ZNF605: variants seen among roughly 807,000 people sequenced by gnomAD.
ZNF605 encodes the protein zinc finger protein 605.
Under a neutral mutation model 7.9 loss-of-function variants are expected in ZNF605, and 9 were observed. The observed-to-expected ratio is 1.14, with a 90% CI of 0.68 to 1.98. ZNF605 has a LOEUF of 1.98. Ranked by LOEUF, ZNF605 falls within the 30% of genes most tolerant of loss-of-function variation. ZNF605 has a pLI of 0.00. For synonymous variants in ZNF605, 255 were observed against 260.1 expected, an observed-to-expected ratio of 0.98 and a Z score of 0.19; for missense variants, 673 against 762.4, an observed-to-expected ratio of 0.88 and a Z score of 1.38.
intron 1 of ZNF605, among the ~76,000 whole-genome samples, chr12:132,956,005 C>A (rs1952632903): frequency 6.6e-6 from 1 of 150,524 alleles, no homozygotes; most frequent in South Asian, 2.1e-4. Context: ...CAGCCCCCAC[C>A]CCACCCTCTG....
rs867618511 is a variant in ZNF605 at position 132,938,853 on chromosome 12, A to G, written c.16-5698T>C. ...GGTGGGCGCCGCACTCGGAGCAGCC[A>G]GCCAGCCCTGCTGGCCCCGGGCAAT... On this transcript the variant is annotated intron_variant, in intron 3 of 4. Transcript: ENST00000360187. Among the ~76,000 whole-genome samples the G allele has an allele frequency of 2.1e-3, 313 of 151,910 alleles. 1 individual carries two copies. The highest frequency in any genetic ancestry group is 6.2e-3 in the African/African-American group (257 of 41,556).
rs1156349375 is a variant in ZNF605 at position 132,926,006 on chromosome 12, AAAG to A, written c.1290_1292del (p.Phe431del). 11 of 1,614,044 alleles carry A rather than the reference AAAG, an allele frequency of 6.8e-6. No homozygotes were observed. Among genetic ancestry groups the A allele is most frequent in the African/African-American group, 1.3e-5 (1 of 74,924 alleles). ...GATGCGTTAGGAGCTGGGACTTCCCAAAGAAGGTTTTCCCACATTGAATGCATC... is the reference window on the plus strand; with the variant it reads ...GATGCGTTAGGAGCTGGGACTTCCCAAAGGTTTTCCCACATTGAATGCATC... On this transcript the variant is annotated inframe_deletion, in exon 5 of 5. Coordinates refer to ENST00000360187, the MANE Select transcript of ZNF605 (RefSeq NM_183238.4).
chr12:132,954,642 C>T (rs916981306), intron 1 of ZNF605, among the ~76,000 whole-genome samples: 2 of 151,474 alleles, frequency 1.3e-5, no homozygotes, highest in East Asian at 3.9e-4. Context: ...ATCCCTAATC[C>T]CTTATCCCCG....
intron 1 of ZNF605, among the ~76,000 whole-genome samples, chr12:132,953,692 TG>T (rs1441837959): frequency 2.6e-5 from 4 of 152,086 alleles, no homozygotes; most frequent in Non-Finnish European, 5.9e-5. Flanking sequence ...CCCAAAGTGC[TG>T]GGATTACAGG....
Position 132,933,205 on chromosome 12 carries a change from T to C in ZNF605, c.16-50A>G. ...ACCTGAAGTGGTTCTCATTTGGTCT[T>C]GTAAAATACTTTCTTCTGTATTTGT... On this transcript the variant is annotated intron_variant, in intron 3 of 4. Transcript: ENST00000360187. This position sits in a 1 kb window ranked among gnomAD's most constrained non-coding sequence, Gnocchi z 4.4. The C allele has an allele frequency of 6.4e-7, 1 of 1,558,564 alleles. No individual in the cohort carries two copies. Among genetic ancestry groups the C allele is most frequent in the Non-Finnish European group, 8.7e-7 (1 of 1,150,346 alleles).
rs977388538 is a variant in ZNF605, at chr12:132,924,238, G to A, written c.*1135C>T. The A allele has an allele frequency of 1.3e-5, 2 of 152,162 alleles. No homozygotes were observed. The highest frequency in any genetic ancestry group is 4.8e-5 in the African/African-American group (2 of 41,440). 9.4% of individuals were successfully genotyped at this position (152,162 alleles called of 1,614,324 possible). On this transcript the variant is annotated 3_prime_UTR_variant, in exon 5 of 5. Transcript: ENST00000360187. ...GGATGCCGGACACTGTAGGTCCAGAGTAGCTTTTAATCTAGAGTTAATTAG... is the reference window on the plus strand; with the variant it reads ...GGATGCCGGACACTGTAGGTCCAGAATAGCTTTTAATCTAGAGTTAATTAG...
chr12:132,924,918 A>C lies in ZNF605; in HGVS notation c.*455T>G, dbSNP rs1566228675. 1 of 154,242 alleles carries C rather than the reference A, an allele frequency of 6.5e-6. No individual in the cohort carries two copies. The highest frequency in any genetic ancestry group is 1.4e-5 in the Non-Finnish European group (1 of 69,572). The allele number at this position is 154,242 out of a possible 1,614,324, so 9.6% of individuals were successfully genotyped here. ...CTTACAGAACTATTTCAATAGCATC[A>C]TGCTTGTCAAATTCTTTACATTATT... On this transcript the variant is annotated 3_prime_UTR_variant, in exon 5 of 5. Coordinates refer to ENST00000360187, the MANE Select transcript of ZNF605 (RefSeq NM_183238.4).
Position 132,926,406 on chromosome 12 carries a change from G to C in ZNF605, c.893C>G (p.Thr298Arg). The change falls in exon 5 of 5, where the codon ACA (threonine) becomes AGA (arginine). Residue 298 changes from threonine to arginine, a missense_variant. By Grantham distance (71) the Thr-to-Arg change is moderately conservative (BLOSUM62 -1). Transcript: ENST00000360187. The part of the protein sequence containing the change: ...KAFSQKLKLI[T>R]HQRAHTGEKP... ...CTCTCCTGTGTGCGCTCTCTGATGTGTGATGAGTTTTAATTTCTGGGAGAA... is the reference window on the plus strand; with the variant it reads ...CTCTCCTGTGTGCGCTCTCTGATGTCTGATGAGTTTTAATTTCTGGGAGAA... The C allele has an allele frequency of 6.2e-7, 1 of 1,614,022 alleles. No homozygotes were observed. Among genetic ancestry groups the C allele is most frequent in the Non-Finnish European group, 8.5e-7 (1 of 1,179,990 alleles).
rs1479553356 is a variant in ZNF605, at chr12:132,925,761, G to A, written c.1538C>T (p.Ala513Val). 6.2e-7 allele frequency: 1 copy of A among 1,613,948 alleles called. No homozygotes were observed. The highest frequency in any genetic ancestry group is 1.7e-5 in the Admixed American group (1 of 60,006). The change falls in exon 5 of 5, where the codon GCT becomes GTT. Residue 513 changes from alanine (A) to valine (V), a missense_variant. Transcript: ENST00000360187. ...AAGAAGCTGTGGCTTCCAGGCAAAA[G>A]CTTTCCTACATTCACTACATTCAAA... ...KPFECSECRK[A>V]FAWKPQLLRH...
intron 4 of ZNF605, chr12:132,932,787 G>C (rs1198875307): frequency 6.5e-7 from 1 of 1,536,134 alleles, no homozygotes; most frequent in Non-Finnish European, 8.7e-7. Context: ...CATTGCATCA[G>C]GTTTGAGAAT....
At chr12:132,955,691 A>G (rs1215198550) in intron 1 of ZNF605, among the ~76,000 whole-genome samples, 3 of 151,970 alleles carry the variant, frequency 2.0e-5, no homozygotes, top group African/African-American at 7.2e-5. Flanking sequence ...CACACAAGCA[A>G]GCCCCTAAGC....
chr12:132,953,323 C>T (rs1415070117), intron 1 of ZNF605, among the ~76,000 whole-genome samples: 10 of 152,334 alleles, frequency 6.6e-5, no homozygotes, highest in African/African-American at 1.9e-4. Context: ...AGACCCCAGG[C>T]GGTAACTCTA....
Position 132,933,818 on chromosome 12 carries a change from C to T in ZNF605, c.16-663G>A, listed in dbSNP as rs1249825680. On this transcript the variant is annotated intron_variant, in intron 3 of 4. Transcript: ENST00000360187. The surrounding 1 kb of genome is among the most constrained non-coding windows in gnomAD (Gnocchi z 4.4). ...ATGTACCTATCCACTGAACAAGAAA[C>T]CAGAATAGGTTGTCTTTAAACAATA... is the stretch of plus-strand genomic sequence containing the variant. Among the ~76,000 whole-genome samples, 2 of 152,176 alleles carry T rather than the reference C, an allele frequency of 1.3e-5. No individual in the cohort carries two copies. Among genetic ancestry groups the T allele is most frequent in the Non-Finnish European group, 2.9e-5 (2 of 68,038 alleles).
chr12:132,954,996 T>C (rs1261082860), intron 1 of ZNF605, among the ~76,000 whole-genome samples: 2 of 151,966 alleles, frequency 1.3e-5, no homozygotes, highest in Non-Finnish European at 2.9e-5. Flanking sequence ...TCGCCTCCGC[T>C]ATTGGAGACA....
At position 132,926,304 on chromosome 12, in the gene ZNF605, G is replaced by C. The variant is rs1406894656; in HGVS notation, c.995C>G (p.Thr332Arg). The C allele has an allele frequency of 2.5e-6, 4 of 1,614,006 alleles. No individual in the cohort carries two copies. The highest frequency in any genetic ancestry group is 3.4e-6 in the Non-Finnish European group (4 of 1,180,032). The change falls in exon 5 of 5, where the codon ACA (threonine) becomes AGA (arginine). Residue 332 changes from threonine to arginine, a missense_variant. Coordinates refer to ENST00000360187, the MANE Select transcript of ZNF605 (RefSeq NM_183238.4). ...SQLITHQRTH[T>R]GKKPYGCGEC... ...ACCACATCCGTAAGGTTTCTTCCCT[G>C]TGTGGGTCCTCTGATGAGTAATCAG...
chr12:132,925,361 A>C lies in ZNF605; in HGVS notation c.*12T>G. ...GATAGCAACCTTTCTGCATTCGCCA[A>C]AGTCATGATTTTTATATTATATGAT... On this transcript the variant is annotated 3_prime_UTR_variant, in exon 5 of 5. Coordinates refer to ENST00000360187, the MANE Select transcript of ZNF605 (RefSeq NM_183238.4). 1 of 1,552,420 alleles carries C rather than the reference A, an allele frequency of 6.4e-7. No homozygotes were observed. Among genetic ancestry groups the C allele is most frequent in the Non-Finnish European group, 8.7e-7 (1 of 1,149,166 alleles).
Position 132,919,805 on chromosome 12 carries a change from G to A in ZNF605, c.*5568C>T, listed in dbSNP as rs1032732309. On this transcript the variant is annotated 3_prime_UTR_variant, in exon 5 of 5. Coordinates refer to ENST00000360187, the MANE Select transcript of ZNF605 (RefSeq NM_183238.4). ...ACATTCTTTTTGCTGTGCACATTTC[G>A]AGATTTAGGTATCACTAAATAAGTT... 2.6e-5 allele frequency: 4 copies of A among 152,026 alleles called. No homozygotes were observed. Among genetic ancestry groups the A allele is most frequent in the South Asian group, 2.1e-4 (1 of 4,826 alleles). 9.4% of individuals were successfully genotyped at this position (152,026 alleles called of 1,614,324 possible).
At chr12:132,949,359 C>G (rs1201942242) in intron 1 of ZNF605, among the ~76,000 whole-genome samples, 1 of 152,234 alleles carries the variant, frequency 6.6e-6, no homozygotes, top group Admixed American at 6.5e-5. Flanking sequence ...CTCCCTTTCA[C>G]TGTTTCGCCC....
chr12:132,934,474 G>A (rs1425197265), intron 3 of ZNF605, among the ~76,000 whole-genome samples: 1 of 151,936 alleles, frequency 6.6e-6, no homozygotes, highest in Admixed American at 6.6e-5. Flanking sequence ...GGGAGGCCAA[G>A]GCAGGTGGAT....
Sources: gnomAD v4.1 joint callset for allele counts (sites outside exome capture counted in the v4.1 genomes callset) on GRCh38, gnomAD v4.1.1 for gene constraint, Gnocchi (gnomAD v3.1) non-coding constraint, MANE v1.5 for transcripts, NCBI Gene and HGNC (gene_info 2026-07-23, HGNC 2026-07-21) for gene names.